ICE2: variants seen among roughly 807,000 people sequenced by gnomAD.
ICE2 encodes interactor of little elongation complex ELL subunit 2, also known as little elongation complex subunit 2.
In ICE2, 87 loss-of-function variants were observed where a neutral mutation model predicts 105.4. The observed-to-expected ratio is 0.83, with a 90% CI of 0.69 to 0.99. ICE2 has a LOEUF of 0.99. Ranked by LOEUF, ICE2 falls within the 50% of genes least tolerant of loss-of-function variation. ICE2 has a pLI of 0.00. For missense variants in ICE2, 1,323 were observed against 1,146.7 expected, an observed-to-expected ratio of 1.15 and a Z score of -2.22; for synonymous variants, 399 against 392.0, an observed-to-expected ratio of 1.02 and a Z score of -0.21.
Position 60,442,444 on chromosome 15 carries a change from T to A in ICE2, c.2397A>T (p.Leu799Phe). The A allele has an allele frequency of 4.4e-6, 7 of 1,591,120 alleles. No homozygotes were observed. The highest frequency in any genetic ancestry group is 1.9e-5 in the Admixed American group (1 of 52,250). ...SELCRLWTESLLHSNSSFYVG... is the reference protein window; with the variant it reads ...SELCRLWTESFLHSNSSFYVG... ...CATAAAATGAGCTGTTGGAATGCAA[T>A]AAACTTTCAGTCCATAAGCGACAAA... Residue 799 changes from leucine to phenylalanine, a missense_variant, in exon 12 of 16, where the codon TTA becomes TTT. Transcript: ENST00000261520.
intron 11 of ICE2, chr15:60,445,813 G>T: frequency 1.0e-6 from 1 of 983,190 alleles, no homozygotes; most frequent in Non-Finnish European, 1.2e-6. Flanking sequence ...ATACAAAGTG[G>T]TATGGGTTCA....
At chr15:60,472,295 T>A (rs1381630605) in intron 3 of ICE2, among the ~76,000 whole-genome samples, 2 of 152,148 alleles carry the variant, frequency 1.3e-5, no homozygotes, top group Admixed American at 1.3e-4. Flanking sequence ...AAATTTTTTT[T>A]ATCTTGAAAT....
At chr15:60,465,704 G>A (rs930871105) in intron 5 of ICE2, among the ~76,000 whole-genome samples, 1 of 150,024 alleles carries the variant, frequency 6.7e-6, no homozygotes, top group Non-Finnish European at 1.5e-5. Flanking sequence ...ACAAATATGT[G>A]TGTGTGTATA....
rs537221922 is a variant in ICE2 at position 60,466,529 on chromosome 15, A to G, written c.528+65T>C. ...CGAATGCTTTTGGTGGAATCATCAC[A>G]TATTTCAGAATGCTGCTATTGCCTA... On this transcript the variant is annotated intron_variant, in intron 5 of 15. Transcript: ENST00000261520. 17 of 1,573,602 alleles carry G rather than the reference A, an allele frequency of 1.1e-5. No homozygotes were observed. In the South Asian group the frequency reaches 1.7e-4, roughly 16 times the overall value.
intron 5 of ICE2, among the ~76,000 whole-genome samples, chr15:60,463,947 A>T (rs1359380744): frequency 6.6e-6 from 1 of 152,238 alleles, no homozygotes; most frequent in Non-Finnish European, 1.5e-5. Context: ...GGGGCTTCTG[A>T]ATTACTGGCA....
At chr15:60,434,797 T>G (rs1483399445) in intron 13 of ICE2, among the ~76,000 whole-genome samples, 1 of 152,146 alleles carries the variant, frequency 6.6e-6, no homozygotes, top group South Asian at 2.1e-4. Flanking sequence ...GTTAAGGGAT[T>G]AGACAGGAGG....
In ICE2 at chr15:60,449,508, G is replaced by C. The variant is rs764106440; in HGVS notation, c.1459C>G (p.Gln487Glu). Residue 487 changes from glutamine (Q) to glutamate (E), a missense_variant, in exon 10 of 16, where the codon CAG becomes GAG. Physicochemically the swap from Gln to Glu is conservative, Grantham distance 29 (BLOSUM62 2). Coordinates refer to ENST00000261520, the MANE Select transcript of ICE2 (RefSeq NM_024611.6). ...ACCTTTTCACATGATTCAAATCCCT[G>C]ATCATCTTTATTTTTGCATTCCTCA... ...GPEECKNKDDQGFESCEKVSN... is the reference protein window; with the variant it reads ...GPEECKNKDDEGFESCEKVSN... The C allele has an allele frequency of 1.1e-4, 177 of 1,613,978 alleles. No homozygotes were observed. The highest frequency in any genetic ancestry group is 1.5e-4 in the Non-Finnish European group (173 of 1,179,998).
chr15:60,477,269 G>T (rs2064787874), intron 2 of ICE2, among the ~76,000 whole-genome samples: 1 of 152,120 alleles, frequency 6.6e-6, no homozygotes, highest in Non-Finnish European at 1.5e-5. Flanking sequence ...AGGGTCTCAG[G>T]GATTGTGAGC....
At position 60,449,073 on chromosome 15, in the gene ICE2, T is replaced by C; in HGVS notation, c.1894A>G (p.Lys632Glu). Residue 632 changes from lysine (K) to glutamate (E), a missense_variant, in exon 10 of 16, where the codon AAA (lysine) becomes GAA (glutamate). Transcript: ENST00000261520. ...ACSPEESCVL[K>E]KPIKRVYKKF... is the part of the protein sequence containing the mutation. ...TTATATACTCGTTTGATAGGTTTTT[T>C]TAAAACACATGACTCTTCAGGACTA... The C allele has an allele frequency of 2.5e-6, 4 of 1,613,724 alleles. No individual in the cohort carries two copies. Among genetic ancestry groups the C allele is most frequent in the Non-Finnish European group, 3.4e-6 (4 of 1,179,844 alleles).
At chr15:60,439,173 T>C (rs1353601205) in intron 12 of ICE2, 1 of 152,204 alleles carries the variant, frequency 6.6e-6, no homozygotes, top group Non-Finnish European at 1.5e-5. Flanking sequence ...AACTGTTTGG[T>C]TACCTTTAAA....
intron 15 of ICE2, among the ~76,000 whole-genome samples, chr15:60,428,159 T>C (rs944976650): frequency 6.6e-6 from 1 of 152,214 alleles, no homozygotes; most frequent in African/African-American, 2.4e-5. Context: ...AGGGTTTAAC[T>C]ACATGGATGC....
chr15:60,424,426 G>A (rs114537476), intron 15 of ICE2, among the ~76,000 whole-genome samples: 41 of 1,780 alleles, frequency 0.023, no homozygotes, highest in African/African-American at 0.04. Flanking sequence ...GAGGATGGGG[G>A]AAGGAACTTT....
At position 60,430,845 on chromosome 15, in the gene ICE2, C is replaced by G. The variant is rs148151808; in HGVS notation, c.2561+1089G>C. Among the ~76,000 whole-genome samples, 616 of 152,184 alleles carry G rather than the reference C, an allele frequency of 4.0e-3. 5 individuals carry two copies. Among genetic ancestry groups the G allele is most frequent in the African/African-American group, 0.014 (595 of 41,534 alleles). ...GGGAAAATCCATATCCTAAGACTTG[C>G]CATGGATCTAAATGACTGTTCATTT... On this transcript the variant is annotated intron_variant, in intron 14 of 15. Coordinates refer to ENST00000261520, the MANE Select transcript of ICE2 (RefSeq NM_024611.6).
chr15:60,435,237 C>T (rs562372689), intron 13 of ICE2, among the ~76,000 whole-genome samples: 55 of 151,496 alleles, frequency 3.6e-4, no homozygotes, highest in African/African-American at 6.8e-4. Context: ...GCCGAGATCA[C>T]GCCACTGCAC....
chr15:60,430,426 T>C (rs1277883804), intron 14 of ICE2, among the ~76,000 whole-genome samples: 4 of 132,504 alleles, frequency 3.0e-5, no homozygotes, highest in African/African-American at 1.0e-4. Flanking sequence ...TGTAAAATAA[T>C]AAATTTGTGT....
At chr15:60,470,010 C>T (rs889480980) in intron 3 of ICE2, among the ~76,000 whole-genome samples, 1 of 152,182 alleles carries the variant, frequency 6.6e-6, no homozygotes, top group African/African-American at 2.4e-5. Flanking sequence ...TTCCTATAAC[C>T]TGGCTCCAAA....
At chr15:60,433,490 CTCTT>C (rs1275092474) in intron 13 of ICE2, among the ~76,000 whole-genome samples, 5 of 151,800 alleles carry the variant, frequency 3.3e-5, no homozygotes, top group South Asian at 2.1e-4. Context: ...CTCCCTCCCT[CTCTT>C]TATTTTTATT....
intron 13 of ICE2, among the ~76,000 whole-genome samples, chr15:60,435,661 C>A (rs2063569971): frequency 6.7e-6 from 1 of 149,280 alleles, no homozygotes; most frequent in Admixed American, 6.7e-5. Context: ...TACCACTAAA[C>A]AAAGAAAAAC....
chr15:60,453,161 G>C, intron 9 of ICE2: 1 of 817,066 alleles, frequency 1.2e-6, no homozygotes, highest in Non-Finnish European at 1.5e-6. Context: ...GAACCCGGGA[G>C]GCGGAGGTTG....
Sources: allele counts gnomAD v4.1 joint callset (sites outside exome capture counted in the v4.1 genomes callset), GRCh38; gene constraint gnomAD v4.1.1; transcripts MANE v1.5; gene names NCBI Gene and HGNC (gene_info 2026-07-23, HGNC 2026-07-21).